The following PIRT variants were observed in gnomAD, a reference collection of about 807,000 sequenced individuals.
PIRT encodes the protein phosphoinositide-interacting protein.
In PIRT, 6 loss-of-function variants were observed where a neutral mutation model predicts 7.9. The ratio of observed to expected loss-of-function variants is 0.76; its 90% confidence interval spans 0.42 to 1.51. PIRT has a LOEUF of 1.51. Ranked by LOEUF, PIRT falls within the 40% of genes most tolerant of loss-of-function variation. The pLI is 0.01. For synonymous variants in PIRT, 78 were observed against 71.8 expected, an observed-to-expected ratio of 1.09 and a Z score of -0.44; for missense variants, 170 against 172.9, an observed-to-expected ratio of 0.98 and a Z score of 0.09.
chr17:10,833,671 T>G (rs1010297954), intron 1 of PIRT, among the ~76,000 whole-genome samples: 1 of 152,044 alleles, frequency 6.6e-6, no homozygotes, highest in African/African-American at 2.4e-5. Flanking sequence ...TGAGAATCAC[T>G]TGAAACTGGC....
Position 10,833,544 on chromosome 17 carries a change from G to A in PIRT, c.-139+4401C>T, listed in dbSNP as rs534230717. 4.3e-4 allele frequency among the ~76,000 whole-genome samples: 65 copies of A among 152,260 alleles called. 2 individuals carry two copies. The highest frequency in any genetic ancestry group is 3.7e-3 in the South Asian group (18 of 4,816). On this transcript the variant is annotated intron_variant, in intron 1 of 1. Transcript: ENST00000580256. ...CGAGGCAGCAGATCACTTGAGGTCA[G>A]GAGTTCGAGACCAGCCTGGCCAACA...
At position 10,824,866 on chromosome 17, in the gene PIRT, T is replaced by A. The variant is rs2151532662; in HGVS notation, c.*366A>T. 4.3e-6 allele frequency: 1 copy of A among 230,762 alleles called. No individual in the cohort carries two copies. Among genetic ancestry groups the A allele is most frequent in the Middle Eastern group, 1.6e-3 (1 of 632 alleles). The allele number at this position is 230,762 out of a possible 1,614,324, so 14.3% of individuals were successfully genotyped here. A position where few individuals can be genotyped will look rare whatever the true frequency, so the allele number is the denominator to read the frequency against. On this transcript the variant is annotated 3_prime_UTR_variant, in exon 2 of 2. Transcript: ENST00000580256. ...AGAATCCAGCTCTGGCACTCAGATA[T>A]GTAAACATGAGGTTCTCCCTTGGGC...
At chr17:10,828,079 TG>T (rs1173758717) in intron 1 of PIRT, among the ~76,000 whole-genome samples, 2 of 152,214 alleles carry the variant, frequency 1.3e-5, no homozygotes, top group Non-Finnish European at 2.9e-5. Flanking sequence ...TTCCTTCCAC[TG>T]GTTGCTAAGG....
chr17:10,831,933 A>T (rs1354917497), intron 1 of PIRT, among the ~76,000 whole-genome samples: 1 of 152,174 alleles, frequency 6.6e-6, no homozygotes, highest in Non-Finnish European at 1.5e-5. Flanking sequence ...GAGCTTCAGA[A>T]GGCTGAGTTA....
At position 10,828,852 on chromosome 17, in the gene PIRT, G is replaced by C. The variant is rs182792634; in HGVS notation, c.-138-3069C>G. The stretch of plus-strand genomic sequence containing the variant: ...AGTTACAGATCCCTCACCATTAACA[G>C]GGGGAAATAGGAGTTGTAACCAAGG... On this transcript the variant is annotated intron_variant, in intron 1 of 1. Transcript: ENST00000580256. Among the ~76,000 whole-genome samples, 78 of 152,308 alleles carry C rather than the reference G, an allele frequency of 5.1e-4. 1 individual carries two copies. Among genetic ancestry groups the C allele is most frequent in the African/African-American group, 1.8e-3 (76 of 41,570 alleles).
chr17:10,825,306 T>C lies in PIRT; in HGVS notation c.340A>G (p.Ile114Val). The change falls in exon 2 of 2, where the codon ATC becomes GTC. Residue 114 changes from isoleucine (I) to valine (V), a missense_variant. Coordinates refer to ENST00000580256, the MANE Select transcript of PIRT (RefSeq NM_001101387.2). ...LVCGLVWVPI[I>V]KKKQKHRQKS... The stretch of plus-strand genomic sequence containing the variant: ...TGTCTGTGCTTCTGTTTCTTTTTGA[T>C]GATGGGCACCCACACCAGCCCGCAC... 9.3e-6 allele frequency: 15 copies of C among 1,613,930 alleles called. No homozygotes were observed. Among genetic ancestry groups the C allele is most frequent in the Non-Finnish European group, 1.3e-5 (15 of 1,179,874 alleles).
At position 10,828,530 on chromosome 17, in the gene PIRT, G is replaced by A. The variant is rs180946787; in HGVS notation, c.-138-2747C>T. On this transcript the variant is annotated intron_variant, in intron 1 of 1. Coordinates refer to ENST00000580256, the MANE Select transcript of PIRT (RefSeq NM_001101387.2). ...GATTTCTTTCCATAGCAAAAAAATT[G>A]TATTGGGGAAGGTGGGCTATTCATC... Among the ~76,000 whole-genome samples, 519 of 152,254 alleles carry A rather than the reference G, an allele frequency of 3.4e-3. 1 individual carries two copies. Among genetic ancestry groups the A allele is most frequent in the African/African-American group, 0.011 (476 of 41,530 alleles).
chr17:10,836,065 C>G (rs8078586), intron 1 of PIRT, among the ~76,000 whole-genome samples: 20,085 of 152,000 alleles, frequency 0.13, 1,693 homozygotes, highest in Non-Finnish European at 0.19. Context: ...ACCACGCCTG[C>G]CTAATTTTTG....
At chr17:10,833,053 G>C (rs1905499323) in intron 1 of PIRT, among the ~76,000 whole-genome samples, 1 of 152,208 alleles carries the variant, frequency 6.6e-6, no homozygotes, top group Non-Finnish European at 1.5e-5. Context: ...AAAGGGAAGG[G>C]AAGAGGGTGG....
intron 1 of PIRT, among the ~76,000 whole-genome samples, chr17:10,826,972 C>A (rs1310040872): frequency 6.6e-6 from 1 of 151,986 alleles, no homozygotes; most frequent in Non-Finnish European, 1.5e-5. Flanking sequence ...ACCACCACAC[C>A]CAGTTAATTT....
At chr17:10,830,174 A>G (rs755608043) in intron 1 of PIRT, among the ~76,000 whole-genome samples, 10 of 152,012 alleles carry the variant, frequency 6.6e-5, no homozygotes, top group Non-Finnish European at 1.2e-4. Context: ...GGGAATGCCT[A>G]CCCTCCTCTC....
intron 1 of PIRT, among the ~76,000 whole-genome samples, chr17:10,837,354 G>T (rs539616514): frequency 2.5e-4 from 38 of 152,324 alleles, no homozygotes; most frequent in African/African-American, 9.1e-4. Context: ...TGCCTGCCTT[G>T]TTCCCCCTGT....
intron 1 of PIRT, among the ~76,000 whole-genome samples, chr17:10,827,057 C>A (rs1905338066): frequency 6.6e-6 from 1 of 152,130 alleles, no homozygotes; most frequent in African/African-American, 2.4e-5. Context: ...GGTGATCTAC[C>A]TGTCTTGGCC....
intron 1 of PIRT, among the ~76,000 whole-genome samples, chr17:10,832,331 T>G (rs1905481713): frequency 6.6e-6 from 1 of 152,240 alleles, no homozygotes; most frequent in South Asian, 2.1e-4. Flanking sequence ...TAGCTGGGAT[T>G]ACAGGCATGT....
chr17:10,830,199 C>G (rs955977525), intron 1 of PIRT, among the ~76,000 whole-genome samples: 1 of 152,182 alleles, frequency 6.6e-6, no homozygotes, highest in African/African-American at 2.4e-5. Context: ...CCACGCTACT[C>G]TCTGTAACTG....
chr17:10,834,980 G>A (rs369880381), intron 1 of PIRT, among the ~76,000 whole-genome samples: 1 of 151,128 alleles, frequency 6.6e-6, no homozygotes, highest in Non-Finnish European at 1.5e-5. Flanking sequence ...CTTCCCACCC[G>A]GTGGTTGTAA....
At chr17:10,833,275 G>T (rs950390687) in intron 1 of PIRT, among the ~76,000 whole-genome samples, 2 of 151,992 alleles carry the variant, frequency 1.3e-5, no homozygotes, top group Non-Finnish European at 2.9e-5. Flanking sequence ...AGATTTTTGG[G>T]GAAACCACAG....
rs1905633467 is a variant in PIRT at position 10,837,983 on chromosome 17, A to G, written c.-177T>C. The stretch of plus-strand genomic sequence containing the variant: ...CCAGGGGAGGATGGGGGACCTGGGA[A>G]TCACTTGGTGCTCGTGCAAGGAGGA... On this transcript the variant is annotated 5_prime_UTR_variant, in exon 1 of 2. Transcript: ENST00000580256. The G allele has an allele frequency of 6.6e-6, 1 of 152,272 alleles. No homozygotes were observed. Among genetic ancestry groups the G allele is most frequent in the Admixed American group, 6.5e-5 (1 of 15,282 alleles). 9.4% of individuals were successfully genotyped at this position (152,272 alleles called of 1,614,324 possible). A position where few individuals can be genotyped will look rare whatever the true frequency, so the allele number is the denominator to read the frequency against.
At position 10,825,613 on chromosome 17, in the gene PIRT, C is replaced by T. The variant is rs1349653086; in HGVS notation, c.33G>A (p.Glu11=). Residue 11 remains glutamate (E), a synonymous_variant, in exon 2 of 2, where the codon GAG becomes GAA. Transcript: ENST00000580256. MTMETLPKVL[E]VDEKSPEAKD... ...TGGCTTCTGGAGACTTCTCATCGAC[C>T]TCTAGAACCTTGGGGAGAGTCTCCA... The T allele has an allele frequency of 2.0e-6, 3 of 1,520,690 alleles. No individual in the cohort carries two copies. The highest frequency in any genetic ancestry group is 2.7e-6 in the Non-Finnish European group (3 of 1,131,900). 94.2% of individuals were successfully genotyped at this position (1,520,690 alleles called of 1,614,324 possible).
Sources: allele counts gnomAD v4.1 joint callset (sites outside exome capture counted in the v4.1 genomes callset), GRCh38; gene constraint gnomAD v4.1.1; transcripts MANE v1.5; gene names NCBI Gene and HGNC (gene_info 2026-07-23, HGNC 2026-07-21).